Variants in ADAMTSL1 observed in about 807,000 individuals in gnomAD.
ADAMTSL1 encodes ADAMTS like 1.
In ADAMTSL1, 126 loss-of-function variants were observed where a neutral mutation model predicts 201.8. The observed-to-expected ratio is 0.62, with a 90% confidence interval of 0.54 to 0.72. The LOEUF (loss-of-function observed/expected upper bound fraction) is 0.72, where lower values mean the gene tolerates loss of function less well. Among genes scored for constraint, ADAMTSL1 ranks in the 30% least tolerant of loss-of-function variants. The pLI is 0.00. For missense variants in ADAMTSL1, 2,679 were observed against 2,277.8 expected (o/e 1.18, Z -3.59); for synonymous variants, 1,121 against 903.4 (o/e 1.24, Z -4.32).
intron 2 of ADAMTSL1, among the ~76,000 whole-genome samples, chr9:18,531,145 A>G (rs1468794110): frequency 1.3e-5 from 2 of 152,200 alleles, no homozygotes; most frequent in Non-Finnish European, 2.9e-5. Context: ...TCAAACTAGA[A>G]TGCCAGTTGA....
intron 2 of ADAMTSL1, among the ~76,000 whole-genome samples, chr9:18,202,407 G>A (rs1195865626): frequency 6.6e-6 from 1 of 152,218 alleles, no homozygotes; most frequent in Non-Finnish European, 1.5e-5. Flanking sequence ...TTCAATACGT[G>A]TGCTCAATCT....
At chr9:18,175,722 C>G (rs1373606346) in intron 2 of ADAMTSL1, among the ~76,000 whole-genome samples, 2 of 152,120 alleles carry the variant, frequency 1.3e-5, no homozygotes, top group Non-Finnish European at 2.9e-5. Flanking sequence ...AGGAAGCCAG[C>G]TCTCATTCTG....
At chr9:18,169,620 G>A (rs1376432640) in intron 2 of ADAMTSL1, among the ~76,000 whole-genome samples, 2 of 152,070 alleles carry the variant, frequency 1.3e-5, no homozygotes, top group African/African-American at 2.4e-5. Flanking sequence ...CTCTTTTTTA[G>A]TTCCATATGA....
intron 2 of ADAMTSL1, among the ~76,000 whole-genome samples, chr9:18,466,942 T>C (rs1310610611): frequency 6.6e-6 from 1 of 152,216 alleles, no homozygotes; most frequent in Non-Finnish European, 1.5e-5. Context: ...ATCTATGTTT[T>C]CCCTGGTTTT....
At chr9:18,510,585 A>G (rs1018707805) in intron 2 of ADAMTSL1, among the ~76,000 whole-genome samples, 4 of 152,114 alleles carry the variant, frequency 2.6e-5, no homozygotes, top group African/African-American at 7.2e-5. Flanking sequence ...AACACTGATC[A>G]TTGCCTTTAT....
At chr9:17,970,039 C>G (rs1054447005) in intron 1 of ADAMTSL1, among the ~76,000 whole-genome samples, 1 of 152,044 alleles carries the variant, frequency 6.6e-6, no homozygotes, top group East Asian at 1.9e-4. Context: ...GCCTTGAACA[C>G]GTGGCTAATC....
chr9:18,689,195 G>A (rs532124437), intron 13 of ADAMTSL1, among the ~76,000 whole-genome samples: 3 of 152,138 alleles, frequency 2.0e-5, no homozygotes, highest in African/African-American at 7.2e-5. Flanking sequence ...TTACTGACAG[G>A]TTTCCCATCT....
intron 19 of ADAMTSL1, among the ~76,000 whole-genome samples, chr9:18,783,810 C>G (rs895302776): frequency 6.6e-6 from 1 of 151,848 alleles, no homozygotes; most frequent in African/African-American, 2.4e-5. Flanking sequence ...ACAACAAAGA[C>G]TACAGGTGGC....
intron 1 of ADAMTSL1, among the ~76,000 whole-genome samples, chr9:18,029,235 T>A (rs1214467019): frequency 3.9e-5 from 6 of 152,074 alleles, no homozygotes; most frequent in African/African-American, 4.8e-5. Flanking sequence ...TCTTTTCCTA[T>A]TTGAATACCC....
chr9:18,168,652 G>A (rs1827746279), intron 2 of ADAMTSL1, among the ~76,000 whole-genome samples: 1 of 149,460 alleles, frequency 6.7e-6, no homozygotes, highest in Non-Finnish European at 1.5e-5. Context: ...GTAATGGGAT[G>A]GCTGGGTCAA....
chr9:18,580,637 T>A (rs1224998716), intron 4 of ADAMTSL1, among the ~76,000 whole-genome samples: 1 of 152,228 alleles, frequency 6.6e-6, no homozygotes, highest in Non-Finnish European at 1.5e-5. Flanking sequence ...ATCTGCTGTA[T>A]GTTGATTATT....
In ADAMTSL1 at chr9:18,574,153, C is replaced by T. The variant is rs1318033112; in HGVS notation, c.361C>T (p.Leu121Phe). Residue 121 changes from leucine (L) to phenylalanine (F), a missense_variant, in exon 4 of 29, where the codon CTC (leucine) becomes TTC (phenylalanine). Physicochemically the swap from Leu to Phe is conservative, Grantham distance 22 (BLOSUM62 0). Coordinates refer to ENST00000380548, the MANE Select transcript of ADAMTSL1 (RefSeq NM_001040272.6). ...TAATGACCCTGACAACCCATGTTCACTCAAGTGCCAAGCCAAAGGAACAAC... is the reference window on the plus strand; with the variant it reads ...TAATGACCCTGACAACCCATGTTCATTCAAGTGCCAAGCCAAAGGAACAAC... ...VSNDPDNPCS[L>F]KCQAKGTTLV... 6.2e-7 allele frequency: 1 copy of T among 1,614,030 alleles called. No homozygotes were observed. Among genetic ancestry groups the T allele is most frequent in the Non-Finnish European group, 8.5e-7 (1 of 1,180,024 alleles).
At chr9:18,218,891 CAGTT>C (rs1439058230) in intron 2 of ADAMTSL1, among the ~76,000 whole-genome samples, 2 of 151,956 alleles carry the variant, frequency 1.3e-5, no homozygotes, top group African/African-American at 4.8e-5. Context: ...GTAATTTTCA[CAGTT>C]AGATGTCCAG....
chr9:18,209,378 G>A (rs1256777261), intron 2 of ADAMTSL1, among the ~76,000 whole-genome samples: 2 of 152,172 alleles, frequency 1.3e-5, no homozygotes, highest in African/African-American at 2.4e-5. Flanking sequence ...GGGATGTGTA[G>A]TAAAATGCCT....
At chr9:18,350,605 C>A (rs183154009) in intron 2 of ADAMTSL1, among the ~76,000 whole-genome samples, 6 of 152,186 alleles carry the variant, frequency 3.9e-5, no homozygotes, top group Admixed American at 2.0e-4. Flanking sequence ...TGACTCCACA[C>A]AAAGATCTGT....
chr9:18,131,289 A>G (rs1424437186), intron 1 of ADAMTSL1, among the ~76,000 whole-genome samples: 1 of 152,166 alleles, frequency 6.6e-6, no homozygotes, highest in African/African-American at 2.4e-5. Context: ...TTCTCTGAGA[A>G]CAAGACCCAA....
intron 2 of ADAMTSL1, among the ~76,000 whole-genome samples, chr9:18,255,920 T>C (rs746604396): frequency 6.2e-4 from 95 of 152,228 alleles, no homozygotes; most frequent in Non-Finnish European, 5.3e-4. Flanking sequence ...CTAAATCTGA[T>C]TGTGGTCTTG....
At chr9:18,732,352 G>A (rs545279788) in intron 15 of ADAMTSL1, among the ~76,000 whole-genome samples, 5 of 152,310 alleles carry the variant, frequency 3.3e-5, no homozygotes, top group African/African-American at 1.2e-4. Flanking sequence ...AAGCAGGGCA[G>A]CTTGTCATCA....
intron 2 of ADAMTSL1, among the ~76,000 whole-genome samples, chr9:18,322,630 T>C (rs1417141559): frequency 6.6e-6 from 1 of 152,078 alleles, no homozygotes; most frequent in Admixed American, 6.5e-5. Flanking sequence ...AGCAAAACCC[T>C]GTCTCAACAA....
Sources: gnomAD v4.1 joint callset for allele counts (sites outside exome capture counted in the v4.1 genomes callset) on GRCh38, gnomAD v4.1.1 for gene constraint, MANE v1.5 for transcripts, NCBI Gene and HGNC (gene_info 2026-07-23, HGNC 2026-07-21) for gene names.